The following RMND1 variants were observed in gnomAD, a reference collection of about 807,000 sequenced individuals.
RMND1 encodes the protein required for meiotic nuclear division protein 1 homolog.
A neutral mutation model predicts 54.0 loss-of-function variants in RMND1; 41 were observed. The ratio of observed to expected loss-of-function variants is 0.76; its 90% CI spans 0.59 to 0.98. RMND1 has a LOEUF of 0.98. RMND1 is among the 50% of genes least tolerant of loss of function. The probability of loss-of-function intolerance (pLI) is 0.00; values close to 1 mark genes in which losing one functional copy is unlikely to be tolerated. For missense variants in RMND1, 457 were observed against 532.0 expected (o/e 0.86, Z 1.39); for synonymous variants, 183 against 181.7 (o/e 1.01, Z -0.06).
intron 10 of RMND1, among the ~76,000 whole-genome samples, chr6:151,408,114 G>A (rs1779692409): frequency 6.6e-6 from 1 of 151,978 alleles, no homozygotes; most frequent in African/African-American, 2.4e-5. Flanking sequence ...GGGGATGAAG[G>A]GAGCATGTCA....
Position 151,404,902 on chromosome 6 carries a change from A to C in RMND1, c.*333T>G, listed in dbSNP as rs1182523637. On this transcript the variant is annotated 3_prime_UTR_variant, in exon 12 of 12. Transcript: ENST00000444024. Reference sequence around the variant, plus strand: ...TTGTTTATTTTTGAGACTGAGTCTCACTGTTGCCCTGGCTGGAGTGCAGTG... The same window carrying C: ...TTGTTTATTTTTGAGACTGAGTCTCCCTGTTGCCCTGGCTGGAGTGCAGTG... The C allele has an allele frequency of 2.0e-5, 4 of 198,904 alleles. No homozygotes were observed. Among genetic ancestry groups the C allele is most frequent in the Non-Finnish European group, 3.0e-5 (3 of 100,082 alleles). 12.3% of individuals were successfully genotyped at this position (198,904 alleles called of 1,614,324 possible).
At chr6:151,439,449 G>A (rs989968473) in intron 2 of RMND1, among the ~76,000 whole-genome samples, 5 of 152,070 alleles carry the variant, frequency 3.3e-5, no homozygotes, top group Non-Finnish European at 7.4e-5. Context: ...TATCCCACCC[G>A]GATTTACATT....
At chr6:151,406,575 C>T (rs1250124087) in intron 10 of RMND1, among the ~76,000 whole-genome samples, 1 of 152,132 alleles carries the variant, frequency 6.6e-6, no homozygotes, top group African/African-American at 2.4e-5. Flanking sequence ...TGGTCTCGAT[C>T]TCCTGACCTT....
At chr6:151,412,731 T>C (rs1779885226) in intron 10 of RMND1, among the ~76,000 whole-genome samples, 2 of 152,024 alleles carry the variant, frequency 1.3e-5, no homozygotes. Flanking sequence ...CTTACAATCA[T>C]AGTGGAAGGT....
At chr6:151,446,803 G>A (rs572916780) in intron 1 of RMND1, among the ~76,000 whole-genome samples, 2 of 152,024 alleles carry the variant, frequency 1.3e-5, no homozygotes, top group East Asian at 3.9e-4. Flanking sequence ...TCAGGTGGCT[G>A]AGATATAGAA....
chr6:151,444,083 G>T (rs191235380), intron 2 of RMND1, among the ~76,000 whole-genome samples: 1 of 152,324 alleles, frequency 6.6e-6, no homozygotes, highest in Non-Finnish European at 1.5e-5. Flanking sequence ...TAGGAAAATT[G>T]CTTCCAAGTC....
intron 10 of RMND1, chr6:151,408,493 G>A (rs1317247758): frequency 1.3e-5 from 2 of 152,158 alleles, no homozygotes; most frequent in African/African-American, 4.8e-5. Flanking sequence ...GTACCAGATT[G>A]TGAGAGGTAC....
chr6:151,449,942 C>T (rs966712224), intron 1 of RMND1, among the ~76,000 whole-genome samples: 9 of 152,246 alleles, frequency 5.9e-5, no homozygotes, highest in Non-Finnish European at 1.2e-4. Context: ...GAGTCTGGTT[C>T]ACTCAGTGCT....
chr6:151,410,982 A>G (rs6915956), intron 10 of RMND1, among the ~76,000 whole-genome samples: 27,272 of 151,776 alleles, frequency 0.18, 3,328 homozygotes, highest in African/African-American at 0.35. Context: ...TTTTTTGGAG[A>G]TAAGTCTCAC....
chr6:151,422,905 G>A, intron 7 of RMND1, among the ~76,000 whole-genome samples: 1 of 152,058 alleles, frequency 6.6e-6, no homozygotes, highest in East Asian at 1.9e-4. Context: ...TTGATACCAT[G>A]GGTAGCTCTG....
At chr6:151,436,168 T>A in intron 3 of RMND1, 1 of 275,320 alleles carries the variant, frequency 3.6e-6, no homozygotes, top group Non-Finnish European at 7.0e-6. Context: ...AATAACTTCT[T>A]AATGTGCTAG....
intron 8 of RMND1, 64 bp downstream of exon 8, chr6:151,422,477 G>T (rs1780178960): frequency 3.6e-6 from 3 of 830,176 alleles, no homozygotes; most frequent in African/African-American, 1.8e-5. Flanking sequence ...TGTTATATTG[G>T]GAAATTCATA....
chr6:151,415,503 G>A (rs1210570959), intron 10 of RMND1, among the ~76,000 whole-genome samples: 1 of 152,046 alleles, frequency 6.6e-6, no homozygotes, highest in Non-Finnish European at 1.5e-5. Flanking sequence ...CAGGAACTTT[G>A]ATACAAGCAA....
intron 1 of RMND1, among the ~76,000 whole-genome samples, chr6:151,449,885 G>A (rs527433186): frequency 8.9e-4 from 135 of 152,344 alleles, no homozygotes; most frequent in African/African-American, 3.1e-3. Context: ...TCCTAACCGC[G>A]AGTGATCTGC....
At chr6:151,438,338 A>T (rs1780672461) in intron 2 of RMND1, among the ~76,000 whole-genome samples, 1 of 152,192 alleles carries the variant, frequency 6.6e-6, no homozygotes, top group Non-Finnish European at 1.5e-5. Flanking sequence ...ATTAGGTTGG[A>T]TGTCAGAATT....
At chr6:151,416,320 A>G (rs1374141763) in intron 10 of RMND1, among the ~76,000 whole-genome samples, 1 of 150,396 alleles carries the variant, frequency 6.6e-6, no homozygotes, top group Admixed American at 6.6e-5. Flanking sequence ...GGATCTATAG[A>G]TGTGGCAAAA....
Position 151,452,126 on chromosome 6 carries a change from T to C in RMND1, c.-125A>G, listed in dbSNP as rs777358430. ...TCACTACTGCAGCCAACCCATCTCCTGGAAGGGCGCTCCCGCCCACCCCCG... is the reference window on the plus strand; with the variant it reads ...TCACTACTGCAGCCAACCCATCTCCCGGAAGGGCGCTCCCGCCCACCCCCG... On this transcript the variant is annotated 5_prime_UTR_variant, in exon 1 of 12. Transcript: ENST00000444024. The C allele has an allele frequency of 2.0e-5, 4 of 204,296 alleles. No individual in the cohort carries two copies. Among genetic ancestry groups the C allele is most frequent in the South Asian group, 1.3e-4 (2 of 15,122 alleles). The allele number at this position is 204,296 out of a possible 1,614,324, so 12.7% of individuals were successfully genotyped here. A position where few individuals can be genotyped will look rare whatever the true frequency, so the allele number is the denominator to read the frequency against.
rs576086078 is a variant in RMND1, at chr6:151,436,296, C to A, written c.613+150G>T. Reference sequence around the variant, plus strand: ...AATACATTTTAATTCTTAACTTTGTCATCTTTATAAAGAGATTCAACATCC... The same window carrying A: ...AATACATTTTAATTCTTAACTTTGTAATCTTTATAAAGAGATTCAACATCC... On this transcript the variant is annotated intron_variant, in intron 3 of 11. Transcript: ENST00000444024. 31 of 777,026 alleles carry A rather than the reference C, an allele frequency of 4.0e-5. No homozygotes were observed. The South Asian group carries it at 5.8e-4, about 14-fold the overall frequency. The allele number at this position is 777,026 out of a possible 1,614,324, so 48.1% of individuals were successfully genotyped here. A position where few individuals can be genotyped will look rare whatever the true frequency, so the allele number is the denominator to read the frequency against.
chr6:151,417,222 T>C (rs1780030729), intron 10 of RMND1, 57 bp downstream of exon 10: 1 of 1,551,238 alleles, frequency 6.4e-7, no homozygotes, highest in South Asian at 1.2e-5. Context: ...GTTAAACATA[T>C]TCAACTTATA....
Sources: allele counts gnomAD v4.1 joint callset (sites outside exome capture counted in the v4.1 genomes callset), GRCh38; gene constraint gnomAD v4.1.1; transcripts MANE v1.5; gene names NCBI Gene and HGNC (gene_info 2026-07-23, HGNC 2026-07-21).